Variants in ASCC1 observed in about 807,000 individuals in gnomAD.
ASCC1 encodes the protein activating signal cointegrator 1 complex subunit 1.
In ASCC1, 35 loss-of-function variants were observed where a neutral mutation model predicts 46.6. The ratio of observed to expected loss-of-function variants is 0.75; its 90% CI spans 0.57 to 0.99. The LOEUF (loss-of-function observed/expected upper bound fraction) is 0.99. Ranked by LOEUF, ASCC1 falls within the 50% of genes least tolerant of loss-of-function variation. ASCC1 has a pLI of 0.00. For missense variants in ASCC1, 376 were observed against 428.7 expected, an observed-to-expected ratio of 0.88 and a Z score of 1.09; for synonymous variants, 143 against 146.6, an observed-to-expected ratio of 0.98 and a Z score of 0.18.
intron 9 of ASCC1, among the ~76,000 whole-genome samples, chr10:72,116,534 G>C (rs1047856736): frequency 8.5e-5 from 13 of 152,212 alleles, no homozygotes; most frequent in African/African-American, 3.1e-4. Context: ...ATATATGTTA[G>C]ATCTTCTCAC....
chr10:72,182,828 AGAG>A (rs1192516076), intron 5 of ASCC1, among the ~76,000 whole-genome samples: 4 of 94,548 alleles, frequency 4.2e-5, no homozygotes, highest in South Asian at 6.2e-4. Flanking sequence ...AAAAAAAAAA[AGAG>A]AGAGAGAGAC....
At chr10:72,100,383 A>T (rs564477000) in intron 9 of ASCC1, among the ~76,000 whole-genome samples, 3 of 151,250 alleles carry the variant, frequency 2.0e-5, no homozygotes, top group Non-Finnish European at 4.4e-5. Context: ...ACACCACCAC[A>T]CCCAGATAAT....
chr10:72,123,838 C>G lies in ASCC1; in HGVS notation c.957+4244G>C, dbSNP rs1053642272. Among the ~76,000 whole-genome samples the G allele has an allele frequency of 3.9e-5, 6 of 152,256 alleles. No individual in the cohort carries two copies. The South Asian group carries it at 1.2e-3, about 32-fold the overall frequency. On this transcript the variant is annotated intron_variant, in intron 9 of 9. Coordinates refer to ENST00000672957, the MANE Select transcript of ASCC1 (RefSeq NM_001198800.3). Reference sequence around the variant, plus strand: ...CGGGAGGAGCATGGGAGGCAGGCTCCACTCTTTGACCTTGGTAGTAGTCAC... The same window carrying G: ...CGGGAGGAGCATGGGAGGCAGGCTCGACTCTTTGACCTTGGTAGTAGTCAC...
At chr10:72,215,912 G>A (rs1859155283) in intron 1 of ASCC1, 3 of 152,336 alleles carry the variant, frequency 2.0e-5, no homozygotes, top group Admixed American at 6.5e-5. Context: ...ACCAAGGTAG[G>A]GCGAGGAGGA....
intron 6 of ASCC1, among the ~76,000 whole-genome samples, chr10:72,160,057 A>G (rs1849459566): frequency 1.3e-5 from 2 of 152,190 alleles, no homozygotes; most frequent in South Asian, 4.2e-4. Context: ...GGTGCCTGCC[A>G]CCATGCCCAG....
At chr10:72,140,343 G>A (rs1034487489) in intron 7 of ASCC1, among the ~76,000 whole-genome samples, 3 of 152,132 alleles carry the variant, frequency 2.0e-5, no homozygotes, top group Admixed American at 2.0e-4. Flanking sequence ...CCCAGGGCAG[G>A]CACTAGATAG....
Position 72,152,895 on chromosome 10 carries a change from T to C in ASCC1, c.720A>G (p.Lys240=), listed in dbSNP as rs1350415767. 4.3e-6 allele frequency: 7 copies of C among 1,614,038 alleles called. No homozygotes were observed. The highest frequency in any genetic ancestry group is 5.9e-6 in the Non-Finnish European group (7 of 1,180,020). Residue 240 remains lysine (K), a synonymous_variant, in exon 7 of 10, where the codon AAA becomes AAG. Transcript: ENST00000672957. ...DPGMVDVLYA[K]VHMKDGSNRL... ...TGTTGGAGCCATCTTTCATATGGAC[T>C]TTGGCGTAAAGAACATCCACCATGC...
intron 9 of ASCC1, among the ~76,000 whole-genome samples, chr10:72,125,691 T>C (rs1219401530): frequency 6.6e-6 from 1 of 152,182 alleles, no homozygotes; most frequent in Non-Finnish European, 1.5e-5. Context: ...TGATTGAACA[T>C]AGGTGAAAGA....
At chr10:72,152,805 C>A in intron 7 of ASCC1, 64 bp downstream of exon 7, 2 of 1,596,248 alleles carry the variant, frequency 1.3e-6, no homozygotes, top group South Asian at 2.2e-5. Flanking sequence ...CAAAATGAAT[C>A]AAACTTTTGA....
chr10:72,133,159 C>A lies in ASCC1; in HGVS notation c.769G>T (p.Val257Leu), dbSNP rs1003697823. Residue 257 changes from valine to leucine, a missense_variant, in exon 8 of 10, where the codon GTG (valine) becomes TTG (leucine). Physicochemically the swap from Val to Leu is conservative, Grantham distance 32. Coordinates refer to ENST00000672957, the MANE Select transcript of ASCC1 (RefSeq NM_001198800.3). The part of the protein sequence containing the change: ...SNRLQELVDR[V>L]LERFQASGLI... Reference sequence around the variant, plus strand: ...CCAGATGCCTGAAAACGTTCCAGCACTCGATCAACTAATTCTTGTAGCCTG... The same window carrying A: ...CCAGATGCCTGAAAACGTTCCAGCAATCGATCAACTAATTCTTGTAGCCTG... 4.3e-6 allele frequency: 7 copies of A among 1,613,958 alleles called. No homozygotes were observed. The African/African-American group carries it at 9.3e-5, about 22-fold the overall frequency.
chr10:72,167,756 C>T (rs1850550040), intron 5 of ASCC1, among the ~76,000 whole-genome samples: 1 of 151,714 alleles, frequency 6.6e-6, no homozygotes, highest in Admixed American at 6.6e-5. Context: ...CTCTCCTCAG[C>T]CTCCCTGTGG....
intron 8 of ASCC1, 62 bp from the exon 9 acceptor site, chr10:72,128,229 T>C: frequency 6.8e-7 from 1 of 1,469,746 alleles, no homozygotes; most frequent in Non-Finnish European, 9.5e-7. Flanking sequence ...CTCTTGGATT[T>C]CTATAGGTAC....
chr10:72,202,727 T>C (rs1856662687), intron 4 of ASCC1, among the ~76,000 whole-genome samples: 2 of 152,122 alleles, frequency 1.3e-5, no homozygotes, highest in African/African-American at 2.4e-5. Flanking sequence ...GGGTAAAAAA[T>C]TGAGAGCACA....
chr10:72,100,189 G>C (rs556271492), intron 9 of ASCC1, among the ~76,000 whole-genome samples: 2 of 151,368 alleles, frequency 1.3e-5, no homozygotes, highest in Non-Finnish European at 2.9e-5. Flanking sequence ...TAATTTACTA[G>C]CAATTTTTCA....
chr10:72,105,400 C>T (rs773404505), intron 9 of ASCC1, among the ~76,000 whole-genome samples: 5 of 152,218 alleles, frequency 3.3e-5, no homozygotes, highest in Non-Finnish European at 5.9e-5. Context: ...TACTCACTTG[C>T]TCACGTGCTC....
intron 7 of ASCC1, chr10:72,134,452 CA>C (rs1845960111): frequency 6.6e-6 from 1 of 152,278 alleles, no homozygotes; most frequent in Non-Finnish European, 1.5e-5. Context: ...AGAAAAACAA[CA>C]ATAACAAAAA....
intron 5 of ASCC1, among the ~76,000 whole-genome samples, chr10:72,188,941 A>G (rs1177206865): frequency 6.6e-6 from 1 of 152,008 alleles, no homozygotes; most frequent in Non-Finnish European, 1.5e-5. Context: ...TCTGCTGTAG[A>G]GACAGGGTCT....
intron 9 of ASCC1, among the ~76,000 whole-genome samples, chr10:72,104,561 A>G (rs1307096539): frequency 6.6e-6 from 1 of 152,190 alleles, no homozygotes; most frequent in Non-Finnish European, 1.5e-5. Flanking sequence ...AACAGGAAAA[A>G]TTTAAATTAA....
chr10:72,182,813 A>AAG (rs1852823394), intron 5 of ASCC1, among the ~76,000 whole-genome samples: 3 of 102,732 alleles, frequency 2.9e-5, no homozygotes. Flanking sequence ...CTGTCTCTAA[A>AAG]AGAAAAAAAA....
Sources: allele counts gnomAD v4.1 joint callset (sites outside exome capture counted in the v4.1 genomes callset), GRCh38; gene constraint gnomAD v4.1.1; transcripts MANE v1.5; gene names NCBI Gene and HGNC (gene_info 2026-07-23, HGNC 2026-07-21).